The following THSD7A variants were observed in gnomAD, a reference collection of about 807,000 sequenced individuals.
The protein encoded by THSD7A is thrombospondin type-1 domain-containing protein 7A.
In THSD7A, 96 loss-of-function variants were observed where a neutral mutation model predicts 231.3. That is an observed-to-expected ratio of 0.41 (90% CI 0.35 to 0.49). THSD7A has a LOEUF of 0.49. Among genes scored for constraint, THSD7A ranks in the 20% least tolerant of loss-of-function variants. The pLI, the probability that THSD7A is intolerant of heterozygous loss-of-function variation, is 0.05. For missense variants in THSD7A, 2,290 were observed against 2,070.2 expected, an observed-to-expected ratio of 1.11 and a Z score of -2.06; for synonymous variants, 940 against 743.3, an observed-to-expected ratio of 1.26 and a Z score of -4.30.
chr7:11,588,585 T>C (rs964384583), intron 4 of THSD7A, among the ~76,000 whole-genome samples: 1 of 152,172 alleles, frequency 6.6e-6, no homozygotes, highest in Non-Finnish European at 1.5e-5. Context: ...GTGACTGTTT[T>C]TGGTGTCTGC....
chr7:11,428,388 CAG>C (rs1365162641), intron 14 of THSD7A, among the ~76,000 whole-genome samples: 2 of 152,062 alleles, frequency 1.3e-5, no homozygotes, highest in African/African-American at 4.8e-5. Context: ...CATCAAAAGT[CAG>C]AGTTCCAAAT....
intron 2 of THSD7A, among the ~76,000 whole-genome samples, chr7:11,620,699 C>T (rs10486146): frequency 2.0e-5 from 3 of 152,056 alleles, no homozygotes; most frequent in South Asian, 4.1e-4. Context: ...TTAACAAAAT[C>T]CTACACATGA....
intron 1 of THSD7A, among the ~76,000 whole-genome samples, chr7:11,791,032 G>A (rs1393346647): frequency 6.6e-6 from 1 of 151,916 alleles, no homozygotes; most frequent in Non-Finnish European, 1.5e-5. Flanking sequence ...AGTGAGAAAG[G>A]TTGGAAGTCA....
intron 4 of THSD7A, among the ~76,000 whole-genome samples, chr7:11,578,335 G>A (rs1392843527): frequency 1.3e-5 from 2 of 152,124 alleles, no homozygotes; most frequent in Non-Finnish European, 2.9e-5. Context: ...GGAAAGAAAA[G>A]CATAAGAGAT....
intron 13 of THSD7A, among the ~76,000 whole-genome samples, chr7:11,439,060 AT>A (rs1222188857): frequency 6.6e-6 from 1 of 151,920 alleles, no homozygotes; most frequent in African/African-American, 2.4e-5. Flanking sequence ...ATGTGGAATC[AT>A]TTTTTTCATT....
intron 4 of THSD7A, among the ~76,000 whole-genome samples, chr7:11,565,559 G>A (rs1474742755): frequency 6.6e-6 from 1 of 152,134 alleles, no homozygotes; most frequent in South Asian, 2.1e-4. Context: ...GGAAGTGAAG[G>A]GGTCAGATAA....
intron 6 of THSD7A, among the ~76,000 whole-genome samples, chr7:11,499,013 T>C (rs1350142657): frequency 6.6e-6 from 1 of 152,092 alleles, no homozygotes. Context: ...ACTCAGCAAC[T>C]CCTTTGACAG....
At position 11,412,738 on chromosome 7, in the gene THSD7A, T is replaced by TTCA; in HGVS notation, c.3597_3599dup (p.Asp1199dup). ...CAACAGCATTAGGGCAAGATCTTCC[T>TTCA]TCATCAGCTGGTTGTCTGATGGGAT... On this transcript the variant is annotated inframe_insertion, in exon 18 of 28. Coordinates refer to ENST00000423059, the MANE Select transcript of THSD7A (RefSeq NM_015204.3). 6.2e-7 allele frequency: 1 copy of TTCA among 1,613,754 alleles called. No individual in the cohort carries two copies. The highest frequency in any genetic ancestry group is 8.5e-7 in the Non-Finnish European group (1 of 1,179,800).
chr7:11,551,405 A>C (rs1371050951), intron 4 of THSD7A, among the ~76,000 whole-genome samples: 1 of 152,178 alleles, frequency 6.6e-6, no homozygotes, highest in Non-Finnish European at 1.5e-5. Flanking sequence ...CTGAGTAAAC[A>C]GATAACTTAC....
At chr7:11,752,333 A>G (rs1330358395) in intron 1 of THSD7A, among the ~76,000 whole-genome samples, 2 of 151,964 alleles carry the variant, frequency 1.3e-5, no homozygotes, top group Admixed American at 6.6e-5. Flanking sequence ...CCTTGTACAT[A>G]AGCTTGAATA....
At chr7:11,468,066 C>A (rs1018190551) in intron 9 of THSD7A, among the ~76,000 whole-genome samples, 1 of 151,720 alleles carries the variant, frequency 6.6e-6, no homozygotes, top group African/African-American at 2.4e-5. Context: ...AGAAAATATC[C>A]AAAATAAGGG....
intron 1 of THSD7A, among the ~76,000 whole-genome samples, chr7:11,748,083 T>C (rs1235335682): frequency 1.3e-5 from 2 of 151,934 alleles, no homozygotes; most frequent in Non-Finnish European, 1.5e-5. Context: ...TAATATTTCT[T>C]GTATTTTTAA....
intron 1 of THSD7A, among the ~76,000 whole-genome samples, chr7:11,686,423 A>G (rs1158438384): frequency 6.6e-6 from 1 of 151,914 alleles, no homozygotes; most frequent in Non-Finnish European, 1.5e-5. Context: ...TCTGGAGAAG[A>G]TTGCTCATGA....
At chr7:11,519,068 A>G (rs1411920082) in intron 6 of THSD7A, among the ~76,000 whole-genome samples, 1 of 152,060 alleles carries the variant, frequency 6.6e-6, no homozygotes, top group Non-Finnish European at 1.5e-5. Flanking sequence ...ACTTATTTCC[A>G]TTTTCTAGAT....
At chr7:11,378,109 T>C (rs1233726504) in intron 26 of THSD7A, 1 of 152,172 alleles carries the variant, frequency 6.6e-6, no homozygotes, top group Non-Finnish European at 1.5e-5. Flanking sequence ...AAAAATCCAA[T>C]ATTTATTCTC....
chr7:11,562,377 A>G (rs1025506498), intron 4 of THSD7A, among the ~76,000 whole-genome samples: 6 of 152,210 alleles, frequency 3.9e-5, no homozygotes, highest in African/African-American at 1.4e-4. Context: ...TTCAAAAGAT[A>G]TACTGGTGCT....
intron 17 of THSD7A, among the ~76,000 whole-genome samples, chr7:11,414,769 C>T (rs114645556): frequency 0.015 from 2,281 of 152,294 alleles, 67 homozygotes; most frequent in African/African-American, 0.051. Context: ...CCCCTGCTTC[C>T]GTTGCACTTT....
intron 6 of THSD7A, among the ~76,000 whole-genome samples, chr7:11,532,251 G>A (rs757217): frequency 0.082 from 12,544 of 152,100 alleles, 798 homozygotes; most frequent in East Asian, 0.18. Context: ...ACCAGGCAAA[G>A]CCAACACAGA....
intron 1 of THSD7A, among the ~76,000 whole-genome samples, chr7:11,687,320 A>C (rs2128140923): frequency 6.6e-6 from 1 of 152,078 alleles, no homozygotes; most frequent in East Asian, 1.9e-4. Context: ...AAAATCATTC[A>C]TTTTAGTTGT....
Sources: gnomAD v4.1 joint callset for allele counts (sites outside exome capture counted in the v4.1 genomes callset) on GRCh38, gnomAD v4.1.1 for gene constraint, MANE v1.5 for transcripts, NCBI Gene and HGNC (gene_info 2026-07-23, HGNC 2026-07-21) for gene names.